Variants in DPH6 observed in about 807,000 individuals in gnomAD.
DPH6 encodes diphthine--ammonia ligase.
In DPH6, 33 loss-of-function variants were observed where a neutral mutation model predicts 38.2. The observed-to-expected ratio is 0.86, with a 90% CI of 0.65 to 1.15. The LOEUF is 1.15. Ranked by LOEUF, DPH6 falls within the 50% of genes most tolerant of loss-of-function variation. The pLI is 0.00. For missense variants in DPH6, 325 were observed against 320.0 expected, an observed-to-expected ratio of 1.02 and a Z score of -0.12; for synonymous variants, 108 against 103.0, an observed-to-expected ratio of 1.05 and a Z score of -0.30.
At chr15:35,469,000 G>A (rs374780668) in intron 3 of DPH6, among the ~76,000 whole-genome samples, 18 of 152,114 alleles carry the variant, frequency 1.2e-4, no homozygotes, top group South Asian at 4.2e-4. Context: ...TCCGGGAGGC[G>A]GAGGTTGCAG....
At chr15:35,156,645 C>T in the DPH6 span, among the ~76,000 whole-genome samples, 12 of 152,136 alleles carry the variant, frequency 7.9e-5, no homozygotes, top group East Asian at 1.4e-3. Flanking sequence ...AGAAAGACTC[C>T]GTTTTTGTCT....
the DPH6 span, among the ~76,000 whole-genome samples, chr15:35,188,035 C>T: frequency 6.6e-6 from 1 of 152,166 alleles, no homozygotes; most frequent in Non-Finnish European, 1.5e-5. Flanking sequence ...GCTAGTCAGA[C>T]ATGAGCAGGG....
intron 3 of DPH6, among the ~76,000 whole-genome samples, chr15:35,235,478 G>A (rs922839390): frequency 7.9e-5 from 12 of 152,124 alleles, no homozygotes; most frequent in African/African-American, 2.9e-4. Flanking sequence ...AAAAATATTA[G>A]AACTCAGAGA....
intron 3 of DPH6, among the ~76,000 whole-genome samples, chr15:35,275,466 C>A (rs566928896): frequency 1.3e-5 from 2 of 152,236 alleles, no homozygotes; most frequent in Non-Finnish European, 2.9e-5. Context: ...AAACCATACA[C>A]CACGTTTTTT....
chr15:35,370,701 G>A (rs541755052), downstream of DPH6, among the ~76,000 whole-genome samples: 22 of 151,772 alleles, frequency 1.4e-4, no homozygotes, highest in Middle Eastern at 0.01. Context: ...CTGGTCAGGA[G>A]GTGGAACAAC....
chr15:35,229,331 G>C (rs893968957), intron 3 of DPH6, among the ~76,000 whole-genome samples: 1 of 151,444 alleles, frequency 6.6e-6, no homozygotes, highest in Non-Finnish European at 1.5e-5. Flanking sequence ...TAAAAGACTC[G>C]GATGTATTCT....
At chr15:35,271,598 A>G (rs1236441896) in intron 3 of DPH6, among the ~76,000 whole-genome samples, 3 of 152,182 alleles carry the variant, frequency 2.0e-5, no homozygotes, top group Non-Finnish European at 4.4e-5. Context: ...CATAGTGACC[A>G]CTCAAGTATT....
chr15:35,420,939 C>T (rs1020053302), intron 5 of DPH6, among the ~76,000 whole-genome samples: 2 of 151,968 alleles, frequency 1.3e-5, no homozygotes, highest in African/African-American at 4.8e-5. Flanking sequence ...ACCGGTAACA[C>T]GGAAATACAA....
intron 3 of DPH6, among the ~76,000 whole-genome samples, chr15:35,532,138 A>G (rs2055098278): frequency 6.6e-6 from 1 of 152,208 alleles, no homozygotes; most frequent in Non-Finnish European, 1.5e-5. Flanking sequence ...GAAACTAATT[A>G]GTTCATTATA....
At chr15:35,246,024 TG>T (rs1161506084) in intron 3 of DPH6, among the ~76,000 whole-genome samples, 1 of 152,198 alleles carries the variant, frequency 6.6e-6, no homozygotes, top group African/African-American at 2.4e-5. Context: ...TTCCTTCTCC[TG>T]GCTCAGAAGC....
Position 35,323,094 on chromosome 15 carries a change from T to C in DPH6, n.200+50427A>G, listed in dbSNP as rs112102416. On this transcript the variant is annotated intron_variant and non_coding_transcript_variant, in intron 3 of 3. Transcript: ENST00000560386. ...AAAAAATGAAGACGATGCTCATGAA[T>C]GACTTTGAGATGGATTTTAATCCTT... Among the ~76,000 whole-genome samples the C allele has an allele frequency of 5.3e-3, 812 of 152,330 alleles. 6 individuals are homozygous for C. Among genetic ancestry groups the C allele is most frequent in the Middle Eastern group, 0.014 (4 of 294 alleles).
At chr15:35,220,232 T>C (rs2051434130) in exon 4 of DPH6, 1 of 152,168 alleles carries the variant, frequency 6.6e-6, no homozygotes, top group Non-Finnish European at 1.5e-5. Context: ...GAGGGCAGTT[T>C]TACGTTTACA....
intron 6 of DPH6, chr15:35,396,251 A>G (rs1401413026): frequency 1.3e-5 from 2 of 152,160 alleles, no homozygotes; most frequent in African/African-American, 4.8e-5. Context: ...ACTTATCACA[A>G]TGCAAGAATT....
At chr15:35,340,977 A>T in intron 3 of DPH6, among the ~76,000 whole-genome samples, 1 of 152,118 alleles carries the variant, frequency 6.6e-6, no homozygotes, top group Admixed American at 6.5e-5. Context: ...TATATTTTCC[A>T]CCTTGGTTCC....
At chr15:35,469,132 C>G (rs564821426) in intron 3 of DPH6, among the ~76,000 whole-genome samples, 1 of 152,180 alleles carries the variant, frequency 6.6e-6, no homozygotes, top group South Asian at 2.1e-4. Flanking sequence ...ACAGCATGAA[C>G]AGCATTATGT....
At chr15:35,189,255 C>G in the DPH6 span, among the ~76,000 whole-genome samples, 3 of 152,152 alleles carry the variant, frequency 2.0e-5, no homozygotes, top group Non-Finnish European at 4.4e-5. Flanking sequence ...CCCTATTTTT[C>G]TCACATTCCT....
At chr15:35,456,986 A>G (rs2054005247) in intron 3 of DPH6, among the ~76,000 whole-genome samples, 1 of 151,364 alleles carries the variant, frequency 6.6e-6, no homozygotes, top group Non-Finnish European at 1.5e-5. Context: ...ACTTATTTAG[A>G]GACAGAGTCT....
intron 3 of DPH6, among the ~76,000 whole-genome samples, chr15:35,275,884 T>C (rs2051855011): frequency 6.6e-6 from 1 of 152,166 alleles, no homozygotes; most frequent in Non-Finnish European, 1.5e-5. Context: ...ATTTTTGCAA[T>C]TGTGAATTGT....
chr15:35,178,585 G>T, the DPH6 span, among the ~76,000 whole-genome samples: 1 of 152,182 alleles, frequency 6.6e-6, no homozygotes, highest in African/African-American at 2.4e-5. Flanking sequence ...AGATTTAGGA[G>T]AGGACACAGC....
Sources: gnomAD v4.1 joint callset for allele counts (sites outside exome capture counted in the v4.1 genomes callset) on GRCh38, gnomAD v4.1.1 for gene constraint, MANE v1.5 for transcripts, NCBI Gene and HGNC (gene_info 2026-07-23, HGNC 2026-07-21) for gene names.